Variants in SLC25A48 observed in about 807,000 individuals in gnomAD.
SLC25A48 encodes solute carrier family 25 member 48.
A neutral mutation model predicts 32.2 loss-of-function variants in SLC25A48; 29 were observed. That is an observed-to-expected ratio of 0.90 (90% CI 0.67 to 1.23). The LOEUF (loss-of-function observed/expected upper bound fraction) is 1.23, where lower values mean the gene tolerates loss of function less well. Ranked by LOEUF, SLC25A48 falls within the 50% of genes most tolerant of loss-of-function variation. The pLI, the probability that SLC25A48 is intolerant of heterozygous loss-of-function variation, is 0.00. For missense variants in SLC25A48, 399 were observed against 422.7 expected (o/e 0.94, Z 0.49); for synonymous variants, 164 against 172.3 (o/e 0.95, Z 0.38).
intron 4 of SLC25A48, among the ~76,000 whole-genome samples, chr5:135,820,644 A>G (rs1757859977): frequency 6.6e-6 from 1 of 152,244 alleles, no homozygotes. Context: ...ATAAAAATGG[A>G]CAAGTTTGCA....
At chr5:135,812,595 A>G (rs1190100876) in exon 4 of SLC25A48, 1 of 152,212 alleles carries the variant, frequency 6.6e-6, no homozygotes, top group Admixed American at 6.5e-5. Context: ...GGACTCTCCA[A>G]TGTGTCTGGC....
At chr5:135,783,740 G>A (rs1394710512) in intron 3 of SLC25A48, among the ~76,000 whole-genome samples, 1 of 118,900 alleles carries the variant, frequency 8.4e-6, no homozygotes, top group Non-Finnish European at 2.1e-5. Context: ...AATTTCCAGA[G>A]GGAAGGAGGA....
chr5:135,798,248 C>G (rs1476720639), intron 3 of SLC25A48, among the ~76,000 whole-genome samples: 1 of 151,738 alleles, frequency 6.6e-6, no homozygotes, highest in Non-Finnish European at 1.5e-5. Context: ...GATGGTTACA[C>G]CATCCCTGTG....
intron 3 of SLC25A48, among the ~76,000 whole-genome samples, chr5:135,789,699 G>A (rs1173375648): frequency 1.3e-5 from 2 of 151,052 alleles, no homozygotes; most frequent in East Asian, 2.0e-4. Context: ...GTGGCAGGGG[G>A]GTGTACACCC....
chr5:135,643,133 A>T (rs1370410490), intron 3 of SLC25A48, among the ~76,000 whole-genome samples: 1 of 152,226 alleles, frequency 6.6e-6, no homozygotes, highest in African/African-American at 2.4e-5. Flanking sequence ...CCGGACTGCG[A>T]CACATCCTTG....
intron 1 of SLC25A48, among the ~76,000 whole-genome samples, chr5:135,621,501 G>A (rs925552846): frequency 1.3e-5 from 2 of 152,062 alleles, no homozygotes; most frequent in African/African-American, 4.8e-5. Context: ...CCAGATATGT[G>A]TATTCCAAGG....
chr5:135,806,139 T>A lies in SLC25A48; in HGVS notation c.-520-6384T>A, dbSNP rs116204860. Among the ~76,000 whole-genome samples the A allele has an allele frequency of 1.0e-3, 159 of 151,784 alleles. 1 individual carries two copies. Among genetic ancestry groups the A allele is most frequent in the African/African-American group, 3.5e-3 (146 of 41,500 alleles). ...TCGTTTTTATCATCTTAAATAGATA[T>A]CACTCCTAGTATTTCAGTGGGTGTA... On this transcript the variant is annotated intron_variant, in intron 3 of 10. Coordinates refer to the SLC25A48 transcript ENST00000646290.
chr5:135,866,695 G>T (rs903331317), intron 4 of SLC25A48, among the ~76,000 whole-genome samples: 4 of 152,256 alleles, frequency 2.6e-5, no homozygotes, highest in African/African-American at 7.2e-5. Context: ...ACTTCACAGA[G>T]AGCTGCAGAG....
chr5:135,842,573 T>TC, intron 2 of SLC25A48, 114 bp downstream of exon 2: 1 of 1,113,210 alleles, frequency 9.0e-7, no homozygotes, highest in African/African-American at 1.5e-5. Context: ...CAGGGCAGAC[T>TC]CTCTGTTGCC....
chr5:135,667,557 A>T (rs756497858), intron 3 of SLC25A48, among the ~76,000 whole-genome samples: 1 of 152,126 alleles, frequency 6.6e-6, no homozygotes, highest in Non-Finnish European at 1.5e-5. Context: ...ATTTTCTCTT[A>T]AAAACCCCCT....
At chr5:135,594,118 C>G (rs796491754) in intron 1 of SLC25A48, among the ~76,000 whole-genome samples, 1 of 152,244 alleles carries the variant, frequency 6.6e-6, no homozygotes, top group Non-Finnish European at 1.5e-5. Flanking sequence ...CTCTCAAACA[C>G]GGTGACTTTA....
intron 2 of SLC25A48, among the ~76,000 whole-genome samples, chr5:135,633,263 C>T (rs567819046): frequency 1.3e-5 from 2 of 151,942 alleles, no homozygotes; most frequent in East Asian, 3.9e-4. Context: ...CATAGTGAAA[C>T]TCATCACAGA....
chr5:135,804,340 G>C (rs1034870518), intron 3 of SLC25A48, among the ~76,000 whole-genome samples: 1 of 151,634 alleles, frequency 6.6e-6, no homozygotes, highest in Admixed American at 6.6e-5. Flanking sequence ...GACATTAAGA[G>C]TAATATCTTC....
chr5:135,680,244 TC>T (rs1196729255), intron 3 of SLC25A48, among the ~76,000 whole-genome samples: 2 of 152,184 alleles, frequency 1.3e-5, no homozygotes, highest in Non-Finnish European at 2.9e-5. Flanking sequence ...TTGAAGCCCC[TC>T]CCCGATTACT....
intron 4 of SLC25A48, among the ~76,000 whole-genome samples, chr5:135,866,283 AG>A (rs1168721392): frequency 6.6e-6 from 1 of 152,262 alleles, no homozygotes; most frequent in African/African-American, 2.4e-5. Context: ...CCTGAGGGCC[AG>A]CCCTGCTCCC....
intron 3 of SLC25A48, among the ~76,000 whole-genome samples, chr5:135,735,837 C>G (rs1372333116): frequency 6.6e-6 from 1 of 152,092 alleles, no homozygotes; most frequent in Non-Finnish European, 1.5e-5. Flanking sequence ...GGTCTGAGTG[C>G]TGACTGATCT....
At chr5:135,678,312 T>G (rs1282463112) in intron 3 of SLC25A48, among the ~76,000 whole-genome samples, 1 of 152,200 alleles carries the variant, frequency 6.6e-6, no homozygotes, top group Non-Finnish European at 1.5e-5. Flanking sequence ...AGTCTATTGT[T>G]GAAGCTTTCC....
chr5:135,768,086 C>T (rs1400315396), intron 3 of SLC25A48, among the ~76,000 whole-genome samples: 2 of 148,332 alleles, frequency 1.3e-5, no homozygotes, highest in Non-Finnish European at 3.0e-5. Flanking sequence ...GTACACCCCC[C>T]TGTGATATTG....
At chr5:135,646,912 A>T (rs893608938) in intron 3 of SLC25A48, among the ~76,000 whole-genome samples, 12 of 151,642 alleles carry the variant, frequency 7.9e-5, no homozygotes, top group Non-Finnish European at 1.2e-4. Flanking sequence ...ATAGCTGATA[A>T]TACTATATTG....
Sources: allele counts gnomAD v4.1 joint callset (sites outside exome capture counted in the v4.1 genomes callset), GRCh38; gene constraint gnomAD v4.1.1; transcripts MANE v1.5; gene names NCBI Gene and HGNC (gene_info 2026-07-23, HGNC 2026-07-21).